The following EFHD1 variants were observed in gnomAD, a reference collection of about 807,000 sequenced individuals.
EFHD1 encodes EF-hand domain family member D1.
A neutral mutation model predicts 17.2 loss-of-function variants in EFHD1; 10 were observed. The ratio of observed to expected loss-of-function variants is 0.58; its 90% CI spans 0.36 to 0.99. EFHD1 has a LOEUF of 0.99. EFHD1 is among the 50% of genes least tolerant of loss of function. The probability of loss-of-function intolerance (pLI) is 0.01; values close to 1 mark genes in which losing one functional copy is unlikely to be tolerated. For missense variants in EFHD1, 310 were observed against 327.5 expected (o/e 0.95, Z 0.41); for synonymous variants, 153 against 142.0 (o/e 1.08, Z -0.55).
chr2:232,669,275 G>T (rs1035505831), intron 2 of EFHD1, among the ~76,000 whole-genome samples: 1 of 152,124 alleles, frequency 6.6e-6, no homozygotes, highest in African/African-American at 2.4e-5. Flanking sequence ...AGTCTCTGCC[G>T]GCCTCTAGTG....
At chr2:232,666,274 G>A (rs963155634) in intron 2 of EFHD1, among the ~76,000 whole-genome samples, 2 of 152,204 alleles carry the variant, frequency 1.3e-5, no homozygotes, top group Non-Finnish European at 2.9e-5. Flanking sequence ...TGCTGGATGT[G>A]GGCTGTGGCC....
At chr2:232,671,404 A>C (rs1179837146) in intron 2 of EFHD1, among the ~76,000 whole-genome samples, 1 of 151,878 alleles carries the variant, frequency 6.6e-6, no homozygotes, top group Non-Finnish European at 1.5e-5. Flanking sequence ...ACACCACAGC[A>C]CTCCAGAGCG....
chr2:232,627,198 T>C (rs866616851), intron 1 of EFHD1, among the ~76,000 whole-genome samples: 2 of 149,266 alleles, frequency 1.3e-5, no homozygotes, highest in African/African-American at 4.9e-5. Flanking sequence ...GCCATTGTAC[T>C]CTAGCCTTTG....
intron 2 of EFHD1, among the ~76,000 whole-genome samples, chr2:232,669,195 C>A (rs1396574474): frequency 1.3e-5 from 2 of 152,164 alleles, no homozygotes; most frequent in Non-Finnish European, 2.9e-5. Flanking sequence ...TCTTGGGGGG[C>A]CTGGCCTCCT....
intron 1 of EFHD1, among the ~76,000 whole-genome samples, chr2:232,660,067 C>G (rs1323957722): frequency 6.6e-6 from 1 of 152,222 alleles, no homozygotes; most frequent in Non-Finnish European, 1.5e-5. Flanking sequence ...ACCTCCAACA[C>G]TGGGGACTAC....
intron 1 of EFHD1, among the ~76,000 whole-genome samples, chr2:232,658,610 CAA>C (rs978394569): frequency 1.3e-5 from 2 of 152,250 alleles, no homozygotes; most frequent in African/African-American, 4.8e-5. Context: ...GTGGAAACAA[CAA>C]AATGTCCATC....
intron 3 of EFHD1, among the ~76,000 whole-genome samples, chr2:232,680,545 G>C (rs894908424): frequency 6.6e-6 from 1 of 152,024 alleles, no homozygotes; most frequent in African/African-American, 2.4e-5. Flanking sequence ...AGGGAAAACT[G>C]TATTTTTAAA....
intron 1 of EFHD1, chr2:232,638,622 T>G (rs1694364718): frequency 2.8e-6 from 1 of 360,228 alleles, no homozygotes; most frequent in Non-Finnish European, 5.5e-6. Flanking sequence ...AGAGGTAAAG[T>G]GAGCCCTCTT....
At chr2:232,607,119 A>G (rs1477942629) in intron 1 of EFHD1, among the ~76,000 whole-genome samples, 3 of 151,630 alleles carry the variant, frequency 2.0e-5, no homozygotes, top group African/African-American at 7.3e-5. Flanking sequence ...AGCCTCCCGA[A>G]GTGCTGGGAC....
chr2:232,615,332 T>TGA (rs796599139), intron 1 of EFHD1, among the ~76,000 whole-genome samples: 7 of 142,246 alleles, frequency 4.9e-5, no homozygotes, highest in East Asian at 1.9e-4. Context: ...TGTGTGTGTG[T>TGA]GTGTGTGTGT....
intron 1 of EFHD1, among the ~76,000 whole-genome samples, chr2:232,614,264 T>C (rs564922860): frequency 6.6e-6 from 1 of 152,290 alleles, no homozygotes; most frequent in South Asian, 2.1e-4. Flanking sequence ...CCTCAAATTA[T>C]ACTCAGATTT....
At chr2:232,619,974 T>C (rs1274086778) in intron 1 of EFHD1, among the ~76,000 whole-genome samples, 3 of 152,128 alleles carry the variant, frequency 2.0e-5, no homozygotes, top group African/African-American at 7.2e-5. Flanking sequence ...GCCACTATCG[T>C]ATCAGCAGGG....
chr2:232,637,411 T>C (rs558826304), intron 1 of EFHD1, among the ~76,000 whole-genome samples: 6 of 150,976 alleles, frequency 4.0e-5, no homozygotes, highest in African/African-American at 1.5e-4. Flanking sequence ...TGGTGCGATC[T>C]TGGCTCGCTG....
At chr2:232,667,967 C>T (rs1694997851) in intron 2 of EFHD1, among the ~76,000 whole-genome samples, 3 of 152,238 alleles carry the variant, frequency 2.0e-5, no homozygotes, top group Admixed American at 2.0e-4. Flanking sequence ...GTGTTTGCAT[C>T]ATCGGCCGAA....
At chr2:232,614,097 A>G (rs1574699098) in intron 1 of EFHD1, among the ~76,000 whole-genome samples, 1 of 66,214 alleles carries the variant, frequency 1.5e-5, no homozygotes, top group African/African-American at 4.7e-5. Flanking sequence ...ATACACACAT[A>G]CACATGTATT....
At chr2:232,632,924 TTC>T (rs1443283903), upstream of EFHD1, among the ~76,000 whole-genome samples, 12 of 152,270 alleles carry the variant, frequency 7.9e-5, no homozygotes, top group Admixed American at 7.9e-4. Flanking sequence ...GCCAGGTTTC[TTC>T]TCTTTTCTTG....
At chr2:232,658,467 CAG>C (rs1176783447) in intron 1 of EFHD1, among the ~76,000 whole-genome samples, 11 of 152,164 alleles carry the variant, frequency 7.2e-5, no homozygotes, top group African/African-American at 2.7e-4. Flanking sequence ...ATCAACTTGA[CAG>C]TAACGTTTCA....
intron 1 of EFHD1, among the ~76,000 whole-genome samples, chr2:232,623,556 C>T (rs2106187703): frequency 6.6e-6 from 1 of 151,208 alleles, no homozygotes; most frequent in Non-Finnish European, 1.5e-5. Flanking sequence ...TGCCTGTAAT[C>T]CCAGCTTCTC....
rs78618266 is a variant in EFHD1, at chr2:232,651,260, G to A, written c.303-11542G>A. The stretch of plus-strand genomic sequence containing the variant: ...TCTGCCCAGGGGAGGGGTGCCAGGC[G>A]TGCTATTCTGTGGGGTTCCCTTTCT... On this transcript the variant is annotated intron_variant, in intron 1 of 3. Transcript: ENST00000264059. 1.9e-3 allele frequency among the ~76,000 whole-genome samples: 297 copies of A among 152,350 alleles called. 1 individual carries two copies. The highest frequency in any genetic ancestry group is 6.7e-3 in the African/African-American group (280 of 41,578).
Sources: allele counts gnomAD v4.1 joint callset (sites outside exome capture counted in the v4.1 genomes callset), GRCh38; gene constraint gnomAD v4.1.1; transcripts MANE v1.5; gene names NCBI Gene and HGNC (gene_info 2026-07-23, HGNC 2026-07-21).